MARCHF7: variants seen among roughly 807,000 people sequenced by gnomAD.
MARCHF7 encodes membrane associated ring-CH-type finger 7, also known as E3 ubiquitin-protein ligase MARCHF7.
MARCHF7 carries 20 observed loss-of-function variants against 76.5 expected under a neutral mutation model. The ratio of observed to expected loss-of-function variants is 0.26; its 90% confidence interval spans 0.18 to 0.38. The LOEUF (loss-of-function observed/expected upper bound fraction) is 0.38. Ranked by LOEUF, MARCHF7 falls within the 10% of genes least tolerant of loss-of-function variation. MARCHF7 has a pLI of 1.00. For synonymous variants in MARCHF7, 295 were observed against 293.0 expected (o/e 1.01, Z -0.07); for missense variants, 797 against 812.9 (o/e 0.98, Z 0.24).
intron 4 of MARCHF7, among the ~76,000 whole-genome samples, chr2:159,741,100 TGTG>T (rs145615475): frequency 4.3e-4 from 65 of 152,266 alleles, no homozygotes; most frequent in African/African-American, 1.4e-3. Context: ...CCAGGCCAGA[TGTG>T]GTGGCTCACA....
intron 6 of MARCHF7, among the ~76,000 whole-genome samples, chr2:159,747,591 A>C (rs1705064340): frequency 6.6e-6 from 1 of 152,168 alleles, no homozygotes; most frequent in Admixed American, 6.5e-5. Flanking sequence ...ATATATTTGT[A>C]ATGTTGACTT....
At position 159,767,363 on chromosome 2, in the gene MARCHF7, TG is replaced by T; in HGVS notation, c.*22del. On this transcript the variant is annotated 3_prime_UTR_variant, in exon 12 of 12. Transcript: ENST00000409175. ...CCTAACTTCATATAAGACAGATGGA[TG>T]ATCTGTGAACATAAGTGTTTATTAA... 2 of 1,558,904 alleles carry T rather than the reference TG, an allele frequency of 1.3e-6. No individual in the cohort carries two copies. The highest frequency in any genetic ancestry group is 1.8e-6 in the Non-Finnish European group (2 of 1,131,430).
chr2:159,723,840 CA>C (rs1483694083), intron 3 of MARCHF7, among the ~76,000 whole-genome samples: 6 of 151,898 alleles, frequency 4.0e-5, no homozygotes, highest in South Asian at 2.1e-4. Context: ...CAAGTTGTAC[CA>C]CCATCTCTAC....
chr2:159,762,318 G>A (rs888349181), intron 9 of MARCHF7, among the ~76,000 whole-genome samples: 3 of 152,260 alleles, frequency 2.0e-5, no homozygotes, highest in Admixed American at 6.5e-5. Context: ...GTTAAATTTC[G>A]TCTCAGTTTC....
intron 3 of MARCHF7, among the ~76,000 whole-genome samples, chr2:159,727,043 A>G (rs1416222980): frequency 1.3e-5 from 2 of 152,234 alleles, no homozygotes; most frequent in Non-Finnish European, 2.9e-5. Context: ...CACAGTGAAG[A>G]AATCACCTAA....
chr2:159,715,361 G>A (rs896879784), intron 2 of MARCHF7, among the ~76,000 whole-genome samples: 1 of 151,958 alleles, frequency 6.6e-6, no homozygotes, highest in Non-Finnish European at 1.5e-5. Context: ...GTTTAGGTGG[G>A]GGGGGTAATA....
intron 3 of MARCHF7, among the ~76,000 whole-genome samples, chr2:159,717,524 A>G (rs960858733): frequency 1.3e-5 from 2 of 150,540 alleles, no homozygotes; most frequent in African/African-American, 4.9e-5. Context: ...TAAAAACTTT[A>G]AGTCATACTC....
At chr2:159,763,618 C>G (rs1231321010) in intron 10 of MARCHF7, among the ~76,000 whole-genome samples, 1 of 152,132 alleles carries the variant, frequency 6.6e-6, no homozygotes, top group Non-Finnish European at 1.5e-5. Context: ...GCTAGGGTCT[C>G]TATGTATCTG....
intron 8 of MARCHF7, among the ~76,000 whole-genome samples, chr2:159,758,121 T>C (rs1706562756): frequency 6.6e-6 from 1 of 152,130 alleles, no homozygotes; most frequent in South Asian, 2.1e-4. Context: ...CAAATGTTAG[T>C]TGAATTGAAT....
intron 4 of MARCHF7, among the ~76,000 whole-genome samples, chr2:159,731,901 G>C (rs555608191): frequency 6.6e-6 from 1 of 151,268 alleles, no homozygotes; most frequent in South Asian, 2.1e-4. Flanking sequence ...TCAGGAGATC[G>C]AGACCATCCT....
chr2:159,750,584 C>T (rs1366674718), intron 7 of MARCHF7, among the ~76,000 whole-genome samples: 1 of 152,060 alleles, frequency 6.6e-6, no homozygotes, highest in Admixed American at 6.6e-5. Context: ...TCTTTTTATA[C>T]AAAGAAATCT....
At position 159,770,701 on chromosome 2, in the gene MARCHF7, G is replaced by A. The variant is rs1004386441; in HGVS notation, c.*3359G>A. On this transcript the variant is annotated 3_prime_UTR_variant, in exon 12 of 12. Transcript: ENST00000409175. Reference sequence around the variant, plus strand: ...TTCTATATTTAGATACACAAATATTGTGTTACAATTGTCTGCAGTATTCAG... The same window carrying A: ...TTCTATATTTAGATACACAAATATTATGTTACAATTGTCTGCAGTATTCAG... 4 of 152,032 alleles carry A rather than the reference G, an allele frequency of 2.6e-5. No individual in the cohort carries two copies. The highest frequency in any genetic ancestry group is 5.9e-5 in the Non-Finnish European group (4 of 68,002). The allele number at this position is 152,032 out of a possible 1,614,324, so 9.4% of individuals were successfully genotyped here. A position where few individuals can be genotyped will look rare whatever the true frequency, so the allele number is the denominator to read the frequency against.
In MARCHF7 at chr2:159,764,645, C is replaced by T; in HGVS notation, c.2027C>T (p.Thr676Ile). Residue 676 changes from threonine to isoleucine, a missense_variant, in exon 11 of 12, where the codon ACT (threonine) becomes ATT (isoleucine). Physicochemically the swap from Thr to Ile is moderately conservative, Grantham distance 89. Transcript: ENST00000409175. ...TRVRFINLAR[T>I]LQAHMEDLET... Reference sequence around the variant, plus strand: ...TTCTAGTTTATTAACCTTGCAAGAACTCTTCAGGCACATATGGAAGATCTC... The same window carrying T: ...TTCTAGTTTATTAACCTTGCAAGAATTCTTCAGGCACATATGGAAGATCTC... 1.9e-6 allele frequency: 3 copies of T among 1,604,216 alleles called. No homozygotes were observed. The highest frequency in any genetic ancestry group is 1.3e-5 in the African/African-American group (1 of 74,396).
rs372591967 is a variant in MARCHF7, at chr2:159,748,735, C to T, written c.1445C>T (p.Ser482Phe). 6.2e-7 allele frequency: 1 copy of T among 1,614,000 alleles called. No homozygotes were observed. The highest frequency in any genetic ancestry group is 1.3e-5 in the African/African-American group (1 of 74,910). Residue 482 changes from serine to phenylalanine, a missense_variant, in exon 7 of 12, where the codon TCC (serine) becomes TTC (phenylalanine). Ser to Phe is a radical substitution (Grantham distance 155). This residue lies in a region of MARCHF7 where 643 missense variants were observed against 631.5 expected (regional missense o/e 1.02). Coordinates refer to ENST00000409175, the MANE Select transcript of MARCHF7 (RefSeq NM_001282805.2). ...NTGISGILPG[S>F]LFRFAVPPAL... ...GGAATATCAGGGATTCTTCCTGGTT[C>T]CTTATTCCGGTTTGCAGTCCCTCCA... is the stretch of plus-strand genomic sequence containing the variant.
In MARCHF7 at chr2:159,748,194, G is replaced by T; in HGVS notation, c.904G>T (p.Asp302Tyr). 1.2e-6 allele frequency: 2 copies of T among 1,613,784 alleles called. No homozygotes were observed. Among genetic ancestry groups the T allele is most frequent in the Non-Finnish European group, 1.7e-6 (2 of 1,179,952 alleles). ...TTTTTTTTCACGAAGATCTAGTCAG[G>T]ATTCCTTGAATACAAGATCATTGAA... The part of the protein sequence containing the change: ...STFFSRRSSQ[D>Y]SLNTRSLNSE... The change falls in exon 7 of 12, where the codon GAT becomes TAT. Residue 302 changes from aspartate (D) to tyrosine (Y), a missense_variant. By Grantham distance (160) the Asp-to-Tyr change is radical. Around this residue, in one of 3 missense-constraint regions of MARCHF7, gnomAD observed 643 missense variants for 631.5 expected, o/e 1.02. Coordinates refer to ENST00000409175, the MANE Select transcript of MARCHF7 (RefSeq NM_001282805.2).
intron 4 of MARCHF7, among the ~76,000 whole-genome samples, chr2:159,729,516 C>A (rs1024361664): frequency 4.6e-5 from 7 of 151,856 alleles, no homozygotes; most frequent in Middle Eastern, 3.4e-3. Flanking sequence ...ACTAAAAATA[C>A]AAAAAAATTA....
chr2:159,745,347 G>A (rs1395210304), intron 5 of MARCHF7, among the ~76,000 whole-genome samples: 1 of 151,928 alleles, frequency 6.6e-6, no homozygotes, highest in Non-Finnish European at 1.5e-5. Context: ...CTATATAACC[G>A]GGGATTCTCA....
At chr2:159,735,230 TGAG>T (rs1209918417) in intron 4 of MARCHF7, among the ~76,000 whole-genome samples, 1 of 152,184 alleles carries the variant, frequency 6.6e-6, no homozygotes, top group African/African-American at 2.4e-5. Context: ...CTCATGGAAA[TGAG>T]GAGCCCAGGA....
Position 159,770,124 on chromosome 2 carries a change from A to G in MARCHF7, c.*2782A>G. On this transcript the variant is annotated 3_prime_UTR_variant, in exon 12 of 12. Transcript: ENST00000409175. ...ACTCTTTTAGTTCACATAATACGCC[A>G]TATTTTTTTTACTGTGCCTGTAGTT... 8.7e-6 allele frequency: 1 copy of G among 115,570 alleles called. No individual in the cohort carries two copies. The highest frequency in any genetic ancestry group is 1.7e-5 in the Non-Finnish European group (1 of 57,898). The allele number at this position is 115,570 out of a possible 1,614,324, so 7.2% of individuals were successfully genotyped here.
Sources: allele counts gnomAD v4.1 joint callset (sites outside exome capture counted in the v4.1 genomes callset), GRCh38; gene constraint gnomAD v4.1.1; regional missense constraint gnomAD v4.1.1; transcripts MANE v1.5; gene names NCBI Gene and HGNC (gene_info 2026-07-23, HGNC 2026-07-21).